The following PUM1 variants were observed in gnomAD, a reference collection of about 807,000 sequenced individuals.
PUM1 encodes the protein pumilio homolog 1.
PUM1 carries 13 observed loss-of-function variants against 131.8 expected under a neutral mutation model. The observed-to-expected ratio is 0.10, with a 90% CI of 0.06 to 0.16. PUM1 has a LOEUF of 0.16. Among genes scored for constraint, PUM1 ranks in the 10% least tolerant of loss-of-function variants. The probability of loss-of-function intolerance (pLI) is 1.00; values close to 1 mark genes in which losing one functional copy is unlikely to be tolerated. For missense variants in PUM1, 961 were observed against 1,512.4 expected, an observed-to-expected ratio of 0.64 and a Z score of 6.05; for synonymous variants, 509 against 556.5, an observed-to-expected ratio of 0.91 and a Z score of 1.20.
chr1:30,978,476 T>C (rs1362140279), intron 9 of PUM1, among the ~76,000 whole-genome samples: 1 of 152,234 alleles, frequency 6.6e-6, no homozygotes, highest in Admixed American at 6.5e-5. Context: ...TGACCCTATG[T>C]TAACTATCTT....
chr1:31,008,583 C>A (rs1276731649), intron 3 of PUM1, among the ~76,000 whole-genome samples: 1 of 152,018 alleles, frequency 6.6e-6, no homozygotes, highest in Non-Finnish European at 1.5e-5. Flanking sequence ...GGTCGGGAAG[C>A]ACTAAACTGG....
rs1396482715 is a variant in PUM1 at position 31,038,819 on chromosome 1, A to C, written c.364-9955T>G. On this transcript the variant is annotated intron_variant, in intron 2 of 21. Coordinates refer to ENST00000426105, the MANE Select transcript of PUM1 (RefSeq NM_001020658.2). The stretch of plus-strand genomic sequence containing the variant: ...AATTTAACCTAAGCAAATCATGAGA[A>C]ATATGGGCACAGATTTGTTAACAAA... 2.0e-5 allele frequency among the ~76,000 whole-genome samples: 3 copies of C among 151,698 alleles called. No individual in the cohort carries two copies. In the East Asian group the frequency reaches 5.8e-4, roughly 29 times the overall value.
chr1:31,007,793 C>T (rs989461725), intron 3 of PUM1, among the ~76,000 whole-genome samples: 2 of 152,174 alleles, frequency 1.3e-5, no homozygotes, highest in African/African-American at 4.8e-5. Context: ...AAACAGGGAT[C>T]GCTGGCCATA....
intron 3 of PUM1, among the ~76,000 whole-genome samples, chr1:31,022,750 G>C (rs1449965336): frequency 1.3e-5 from 2 of 152,138 alleles, no homozygotes; most frequent in Non-Finnish European, 2.9e-5. Context: ...TGTTCCTCCA[G>C]ACCACTTGGC....
intron 14 of PUM1, among the ~76,000 whole-genome samples, chr1:30,959,605 G>A (rs1362355130): frequency 6.6e-6 from 1 of 151,954 alleles, no homozygotes; most frequent in Admixed American, 6.6e-5. Flanking sequence ...CCACATGATC[G>A]TCAATTAATG....
At chr1:31,014,514 A>C (rs2124522866) in intron 3 of PUM1, among the ~76,000 whole-genome samples, 1 of 151,664 alleles carries the variant, frequency 6.6e-6, no homozygotes, top group South Asian at 2.1e-4. Context: ...GAATTAAAAA[A>C]GTTGAAAGTA....
At chr1:31,014,623 A>G (rs1557586434) in intron 3 of PUM1, among the ~76,000 whole-genome samples, 1 of 152,018 alleles carries the variant, frequency 6.6e-6, no homozygotes, top group Non-Finnish European at 1.5e-5. Context: ...ACCTGTCTCT[A>G]CTAAAAATAC....
At chr1:31,000,400 C>T (rs1642165515) in intron 5 of PUM1, among the ~76,000 whole-genome samples, 2 of 152,062 alleles carry the variant, frequency 1.3e-5, no homozygotes, top group African/African-American at 4.8e-5. Context: ...AAGAGTGGAA[C>T]CAAGATGGGT....
chr1:30,965,281 T>C (rs1471049788), intron 13 of PUM1, among the ~76,000 whole-genome samples: 1 of 152,282 alleles, frequency 6.6e-6, no homozygotes, highest in East Asian at 1.9e-4. Flanking sequence ...AAAAAAGATT[T>C]GTAAATGGGG....
chr1:30,981,508 G>C, intron 7 of PUM1, 103 bp from the exon 8 acceptor site: 1 of 598,500 alleles, frequency 1.7e-6, no homozygotes, highest in Admixed American at 3.1e-5. Flanking sequence ...GTTTAGGCGT[G>C]ACACCTTAAC....
At chr1:30,959,025 A>G (rs1640293750) in intron 14 of PUM1, among the ~76,000 whole-genome samples, 1 of 152,230 alleles carries the variant, frequency 6.6e-6, no homozygotes, top group Non-Finnish European at 1.5e-5. Flanking sequence ...GGCATTTTAG[A>G]TGAAATGGAC....
intron 21 of PUM1, among the ~76,000 whole-genome samples, chr1:30,934,486 G>A (rs1204062497): frequency 6.6e-6 from 1 of 152,104 alleles, no homozygotes; most frequent in Non-Finnish European, 1.5e-5. Context: ...AATCACCTGC[G>A]CATGCTTCCC....
At chr1:31,028,489 A>G (rs972906652) in intron 3 of PUM1, among the ~76,000 whole-genome samples, 2 of 152,218 alleles carry the variant, frequency 1.3e-5, no homozygotes, top group African/African-American at 4.8e-5. Flanking sequence ...TATTTAATGC[A>G]TATAAAATTA....
Position 30,978,439 on chromosome 1 carries a change from A to G in PUM1, c.1354+1623T>C, listed in dbSNP as rs141024207. 3.3e-4 allele frequency among the ~76,000 whole-genome samples: 50 copies of G among 152,318 alleles called. 1 individual carries two copies. The highest frequency in any genetic ancestry group is 5.9e-4 in the Non-Finnish European group (40 of 68,012). On this transcript the variant is annotated intron_variant, in intron 9 of 21. Coordinates refer to ENST00000426105, the MANE Select transcript of PUM1 (RefSeq NM_001020658.2). The stretch of plus-strand genomic sequence containing the variant: ...ACGAAGAGCTTTCTGTTTTCCCCCA[A>G]AAGGGGGATGACCACGGACAGCCAG...
intron 21 of PUM1, 140 bp from the exon 22 acceptor site, chr1:30,933,482 A>ACACACACC (rs1553142846): frequency 5.1e-6 from 4 of 780,758 alleles, no homozygotes; most frequent in Middle Eastern, 3.7e-4. Flanking sequence ...ACACACACAC[A>ACACACACC]CACCCCTACA....
At chr1:30,965,471 T>C (rs769346578) in intron 13 of PUM1, among the ~76,000 whole-genome samples, 4 of 152,196 alleles carry the variant, frequency 2.6e-5, no homozygotes, top group Non-Finnish European at 5.9e-5. Flanking sequence ...TTATTCACCA[T>C]ACTACACTCC....
intron 5 of PUM1, among the ~76,000 whole-genome samples, 173 bp from the exon 6 acceptor site, chr1:30,995,393 C>T (rs1641945322): frequency 6.6e-6 from 1 of 152,196 alleles, no homozygotes. Context: ...TGCAGAAGGT[C>T]TTGCCAAATG....
intron 5 of PUM1, among the ~76,000 whole-genome samples, chr1:31,002,400 T>C (rs552196110): frequency 6.6e-6 from 1 of 152,302 alleles, no homozygotes; most frequent in East Asian, 1.9e-4. Flanking sequence ...AGGTGGTCAT[T>C]ACCCTAATCA....
At position 31,046,489 on chromosome 1, in the gene PUM1, G is replaced by T. The variant is rs542277995; in HGVS notation, c.363+12715C>A. 8.5e-4 allele frequency among the ~76,000 whole-genome samples: 116 copies of T among 136,618 alleles called. 1 individual carries two copies. In the Middle Eastern group the frequency reaches 0.045, roughly 53 times the overall value. 89.6% of individuals were successfully genotyped at this position (136,618 alleles called of 152,430 possible). On this transcript the variant is annotated intron_variant, in intron 2 of 21. Coordinates refer to ENST00000426105, the MANE Select transcript of PUM1 (RefSeq NM_001020658.2). ...CTAATAACTGCAGCGGGGTTTTTGG[G>T]TTTTTTTTTTTTGTTTTTTTGGTTT...
Sources: allele counts gnomAD v4.1 joint callset (sites outside exome capture counted in the v4.1 genomes callset), GRCh38; gene constraint gnomAD v4.1.1; transcripts MANE v1.5; gene names NCBI Gene and HGNC (gene_info 2026-07-23, HGNC 2026-07-21).